Variants in RABGAP1L observed in about 807,000 individuals in gnomAD.
RABGAP1L encodes the protein rab GTPase-activating protein 1-like.
A neutral mutation model predicts 137.7 loss-of-function variants in RABGAP1L; 63 were observed. That is an observed-to-expected ratio of 0.46 (90% CI 0.37 to 0.56). The LOEUF (loss-of-function observed/expected upper bound fraction) is 0.56. Ranked by LOEUF, RABGAP1L falls within the 20% of genes least tolerant of loss-of-function variation. The pLI, the probability that RABGAP1L is intolerant of heterozygous loss-of-function variation, is 0.00. For missense variants in RABGAP1L, 1,095 were observed against 1,244.0 expected, an observed-to-expected ratio of 0.88 and a Z score of 1.80; for synonymous variants, 431 against 433.7, an observed-to-expected ratio of 0.99 and a Z score of 0.08.
rs75260242 is a variant in RABGAP1L at position 174,884,079 on chromosome 1, T to C, written c.2340+72119T>C. On this transcript the variant is annotated intron_variant, in intron 19 of 25. Transcript: ENST00000681986. ...AGGTCACAGTATCACGGTAAGAGAATTGATTGTCCAGTGGTTAGAACACTG... is the reference window on the plus strand; with the variant it reads ...AGGTCACAGTATCACGGTAAGAGAACTGATTGTCCAGTGGTTAGAACACTG... 3.9e-3 allele frequency among the ~76,000 whole-genome samples: 588 copies of C among 152,306 alleles called. 5 individuals carry two copies. Among genetic ancestry groups the C allele is most frequent in the African/African-American group, 0.014 (568 of 41,570 alleles).
intron 18 of RABGAP1L, among the ~76,000 whole-genome samples, chr1:174,772,968 A>G (rs1406539338): frequency 1.3e-5 from 2 of 152,342 alleles, no homozygotes; most frequent in Admixed American, 1.3e-4. Flanking sequence ...CTATTTTATC[A>G]GTGATTCTAT....
chr1:174,250,061 A>G (rs1672597106), intron 5 of RABGAP1L, among the ~76,000 whole-genome samples: 1 of 152,144 alleles, frequency 6.6e-6, no homozygotes, highest in Non-Finnish European at 1.5e-5. Context: ...TTATCTGTAT[A>G]TATTTGAAAA....
chr1:174,449,148 A>C, intron 13 of RABGAP1L: 4 of 1,611,624 alleles, frequency 2.5e-6, no homozygotes, highest in Non-Finnish European at 3.4e-6. Flanking sequence ...AAGGATCAGG[A>C]AGCACAAGAA....
intron 13 of RABGAP1L, among the ~76,000 whole-genome samples, chr1:174,434,944 T>C (rs750382023): frequency 1.3e-5 from 2 of 152,246 alleles, no homozygotes. Flanking sequence ...TAATGATGTC[T>C]TTTGCTAAGC....
intron 10 of RABGAP1L, among the ~76,000 whole-genome samples, chr1:174,291,396 T>A (rs1167901923): frequency 6.6e-6 from 1 of 151,958 alleles, no homozygotes; most frequent in African/African-American, 2.4e-5. Context: ...TATGTCTATT[T>A]TTATGAGACA....
chr1:174,744,917 G>A (rs1472527860), intron 17 of RABGAP1L, among the ~76,000 whole-genome samples: 1 of 152,192 alleles, frequency 6.6e-6, no homozygotes, highest in Non-Finnish European at 1.5e-5. Context: ...AAAACTGAGT[G>A]AAGGATATGT....
chr1:174,422,120 TA>T (rs1156947046), intron 13 of RABGAP1L, among the ~76,000 whole-genome samples: 4 of 152,230 alleles, frequency 2.6e-5, no homozygotes, highest in African/African-American at 9.6e-5. Context: ...GCATGTGACC[TA>T]TGTTGTTGCA....
intron 11 of RABGAP1L, among the ~76,000 whole-genome samples, chr1:174,311,670 G>A (rs963248897): frequency 2.0e-5 from 3 of 152,076 alleles, no homozygotes; most frequent in Non-Finnish European, 2.9e-5. Flanking sequence ...GCAGTGGTGC[G>A]ATCTCAGCTC....
At chr1:174,287,952 G>T (rs1350579767) in intron 10 of RABGAP1L, among the ~76,000 whole-genome samples, 2 of 151,894 alleles carry the variant, frequency 1.3e-5, no homozygotes, top group Non-Finnish European at 2.9e-5. Context: ...TTTTTGTGAT[G>T]GCAGGCTTTT....
intron 16 of RABGAP1L, chr1:174,701,161 A>C: frequency 7.7e-7 from 1 of 1,304,408 alleles, no homozygotes; most frequent in Middle Eastern, 2.1e-4. Flanking sequence ...AGCTATGCTA[A>C]TACTTTGTAC....
At chr1:174,509,714 A>G (rs948644144) in intron 13 of RABGAP1L, among the ~76,000 whole-genome samples, 3 of 152,144 alleles carry the variant, frequency 2.0e-5, no homozygotes, top group Non-Finnish European at 4.4e-5. Flanking sequence ...CTGGATTTCT[A>G]TATTTGAAAT....
At chr1:174,240,647 A>G (rs750695837) in intron 4 of RABGAP1L, among the ~76,000 whole-genome samples, 2 of 152,192 alleles carry the variant, frequency 1.3e-5, no homozygotes, top group Admixed American at 6.5e-5. Flanking sequence ...CATCTTTGGA[A>G]CCACCTGACC....
intron 13 of RABGAP1L, among the ~76,000 whole-genome samples, chr1:174,506,603 C>T (rs918234601): frequency 6.6e-6 from 1 of 152,050 alleles, no homozygotes; most frequent in Non-Finnish European, 1.5e-5. Flanking sequence ...TGAAAGATCT[C>T]TATACAACAA....
intron 13 of RABGAP1L, among the ~76,000 whole-genome samples, chr1:174,554,693 T>G (rs1417849757): frequency 1.3e-5 from 2 of 152,198 alleles, no homozygotes; most frequent in East Asian, 3.8e-4. Flanking sequence ...AAGTTTAAAA[T>G]TAACATTTTC....
At chr1:174,758,387 G>T (rs1190731879) in intron 18 of RABGAP1L, among the ~76,000 whole-genome samples, 1 of 151,244 alleles carries the variant, frequency 6.6e-6, no homozygotes, top group African/African-American at 2.4e-5. Context: ...CATTCCCCTG[G>T]TTTCATCTAT....
chr1:174,811,205 G>T (rs968987972), intron 18 of RABGAP1L, among the ~76,000 whole-genome samples: 3 of 152,096 alleles, frequency 2.0e-5, no homozygotes, highest in East Asian at 3.8e-4. Context: ...TTTCCAAATG[G>T]TTTTTTAGTT....
chr1:174,619,972 A>T (rs1241044233), intron 13 of RABGAP1L, among the ~76,000 whole-genome samples: 1 of 152,214 alleles, frequency 6.6e-6, no homozygotes, highest in Non-Finnish European at 1.5e-5. Context: ...AAACAAAAAA[A>T]GGTACGGGTT....
At chr1:174,253,177 G>C (rs1672853156) in intron 7 of RABGAP1L, among the ~76,000 whole-genome samples, 1 of 152,174 alleles carries the variant, frequency 6.6e-6, no homozygotes, top group African/African-American at 2.4e-5. Context: ...AAACAGGTCA[G>C]AGTATAAACA....
At chr1:174,798,981 A>C (rs1257128096) in intron 18 of RABGAP1L, among the ~76,000 whole-genome samples, 1 of 152,216 alleles carries the variant, frequency 6.6e-6, no homozygotes, top group Non-Finnish European at 1.5e-5. Context: ...AAGATTGTAA[A>C]ATTTTGAACT....
Sources: allele counts gnomAD v4.1 joint callset (sites outside exome capture counted in the v4.1 genomes callset), GRCh38; gene constraint gnomAD v4.1.1; transcripts MANE v1.5; gene names NCBI Gene and HGNC (gene_info 2026-07-23, HGNC 2026-07-21).